Variants in LRRIQ3 observed in about 807,000 individuals in gnomAD.
LRRIQ3 encodes the protein leucine rich repeats and IQ motif containing 3.
In LRRIQ3, 75 loss-of-function variants were observed where a neutral mutation model predicts 59.3. The ratio of observed to expected loss-of-function variants is 1.26; its 90% CI spans 1.05 to 1.53. The LOEUF is 1.53. LRRIQ3 is among the 40% of genes most tolerant of loss of function. The probability of loss-of-function intolerance (pLI) is 0.00; values close to 1 mark genes in which losing one functional copy is unlikely to be tolerated. For synonymous variants in LRRIQ3, 250 were observed against 231.3 expected (o/e 1.08, Z -0.73); for missense variants, 831 against 710.0 (o/e 1.17, Z -1.94).
rs752476802 is a variant in LRRIQ3 at position 74,182,653 on chromosome 1, G to A, written c.458C>T (p.Ala153Val). The change falls in exon 3 of 8, where the codon GCG (alanine) becomes GTG (valine). Residue 153 changes from alanine to valine, a missense_variant. Ala to Val is a moderately conservative substitution (Grantham distance 64). Coordinates refer to ENST00000354431, the MANE Select transcript of LRRIQ3 (RefSeq NM_001105659.2). ...ATCAGAAATCACATGATGATCCAGC[G>A]CTTTGAGAGGCCATATACTGTTAAC... is the stretch of plus-strand genomic sequence containing the variant. Reference protein sequence around the residue: ...VLVNSIWPLKALDHHVISDEE... With the variant: ...VLVNSIWPLKVLDHHVISDEE... The A allele has an allele frequency of 7.4e-6, 12 of 1,611,310 alleles. No individual in the cohort carries two copies. Among genetic ancestry groups the A allele is most frequent in the East Asian group, 2.2e-5 (1 of 44,710 alleles).
intron 3 of LRRIQ3, chr1:74,180,877 T>C: frequency 7.7e-7 from 1 of 1,299,046 alleles, no homozygotes; most frequent in Non-Finnish European, 1.1e-6. Context: ...AGCCCAAATC[T>C]CTACCCCTTT....
chr1:74,078,020 C>T (rs150234407), intron 5 of LRRIQ3, among the ~76,000 whole-genome samples: 1 of 151,834 alleles, frequency 6.6e-6, no homozygotes, highest in African/African-American at 2.4e-5. Context: ...TTTGGTAGCA[C>T]TTAGTAAAGG....
intron 4 of LRRIQ3, among the ~76,000 whole-genome samples, chr1:74,114,396 C>T (rs1438984792): frequency 6.6e-6 from 1 of 151,882 alleles, no homozygotes; most frequent in Non-Finnish European, 1.5e-5. Context: ...TCTCACTAGA[C>T]TTAAGTTAGT....
chr1:74,111,367 GA>G (rs1197479506), intron 4 of LRRIQ3, among the ~76,000 whole-genome samples: 2 of 151,792 alleles, frequency 1.3e-5, no homozygotes, highest in South Asian at 4.1e-4. Context: ...GGGCATCACA[GA>G]AAAAAAATTC....
intron 7 of LRRIQ3, among the ~76,000 whole-genome samples, chr1:74,038,032 T>C (rs1367594525): frequency 1.3e-5 from 2 of 152,192 alleles, no homozygotes; most frequent in Non-Finnish European, 2.9e-5. Context: ...CAGCCAACAC[T>C]GAGACTGATA....
chr1:74,041,429 T>G lies in LRRIQ3; in HGVS notation c.1502A>C (p.Lys501Thr). ...GGATTTTTCTTTTAGAAACAGAGCT[T>G]TTCTCTCTCTAGCTTTTTCAAGGTA... ...FNYLEKARER[K>T]ALFLKEKSQK... The change falls in exon 7 of 8, where the codon AAA becomes ACA. Residue 501 changes from lysine to threonine, a missense_variant. Coordinates refer to ENST00000354431, the MANE Select transcript of LRRIQ3 (RefSeq NM_001105659.2). 1 of 1,613,728 alleles carries G rather than the reference T, an allele frequency of 6.2e-7. No homozygotes were observed. Among genetic ancestry groups the G allele is most frequent in the Non-Finnish European group, 8.5e-7 (1 of 1,179,864 alleles).
At chr1:74,045,436 T>C (rs773881387) in intron 6 of LRRIQ3, among the ~76,000 whole-genome samples, 2 of 151,802 alleles carry the variant, frequency 1.3e-5, no homozygotes, top group African/African-American at 2.4e-5. Flanking sequence ...ATGTTCAATA[T>C]ACTAGGCATT....
chr1:74,116,238 C>T (rs1020625130), intron 4 of LRRIQ3, among the ~76,000 whole-genome samples: 3 of 151,986 alleles, frequency 2.0e-5, no homozygotes, highest in Non-Finnish European at 4.4e-5. Flanking sequence ...CTGCCCTATA[C>T]CTGGAGCTCT....
At chr1:74,163,243 C>T (rs1570240001) in intron 3 of LRRIQ3, among the ~76,000 whole-genome samples, 1 of 151,286 alleles carries the variant, frequency 6.6e-6, no homozygotes. Flanking sequence ...TCATTTTTAC[C>T]TTTTTATTTA....
intron 3 of LRRIQ3, 56 bp downstream of exon 3, chr1:74,182,482 C>A: frequency 2.6e-6 from 3 of 1,151,410 alleles, no homozygotes; most frequent in South Asian, 2.5e-5. Flanking sequence ...AACTCAGAAG[C>A]TAAAATTTCC....
At chr1:74,142,324 C>G (rs1447900845) in intron 4 of LRRIQ3, among the ~76,000 whole-genome samples, 2 of 151,908 alleles carry the variant, frequency 1.3e-5, no homozygotes, top group Non-Finnish European at 2.9e-5. Flanking sequence ...TTAATTATCC[C>G]ATCAAATGAG....
At position 74,182,600 on chromosome 1, in the gene LRRIQ3, G is replaced by A. The variant is rs754058089; in HGVS notation, c.511C>T (p.Pro171Ser). The A allele has an allele frequency of 2.4e-5, 38 of 1,606,756 alleles. 1 individual carries two copies. In the Middle Eastern group the frequency reaches 8.3e-4, roughly 35 times the overall value. Residue 171 changes from proline (P) to serine (S), a missense_variant, in exon 3 of 8, where the codon CCT (proline) becomes TCT (serine). By Grantham distance (74) the Pro-to-Ser change is moderately conservative (BLOSUM62 -1). Transcript: ENST00000354431. The stretch of plus-strand genomic sequence containing the variant: ...TGGTTACATGCTTTGAATCTTTCAG[G>A]AAGATGCCAGTTCTGAATTATTTCT... ...DEEIIQNWHLPERFKACNHRL... is the reference protein window; with the variant it reads ...DEEIIQNWHLSERFKACNHRL...
intron 4 of LRRIQ3, among the ~76,000 whole-genome samples, chr1:74,147,180 G>GTCC (rs1557639710): frequency 6.6e-6 from 1 of 152,124 alleles, no homozygotes; most frequent in African/African-American, 2.4e-5. Flanking sequence ...AGTGAGCTTA[G>GTCC]ATAACACCAC....
intron 3 of LRRIQ3, among the ~76,000 whole-genome samples, chr1:74,170,768 T>C (rs772691894): frequency 2.0e-5 from 3 of 152,164 alleles, no homozygotes; most frequent in Admixed American, 6.5e-5. Context: ...TTGGGTGGGA[T>C]AGACATTTTA....
intron 5 of LRRIQ3, among the ~76,000 whole-genome samples, chr1:74,097,934 C>T (rs567249841): frequency 1.3e-5 from 2 of 152,142 alleles, no homozygotes; most frequent in Admixed American, 6.6e-5. Context: ...ACAACCAGTA[C>T]CAGCCACTGC....
intron 6 of LRRIQ3, among the ~76,000 whole-genome samples, chr1:74,067,087 C>A (rs905675273): frequency 1.1e-4 from 16 of 152,226 alleles, no homozygotes; most frequent in African/African-American, 3.9e-4. Flanking sequence ...ATCCTTTGAT[C>A]CCTTTTCGCC....
intron 6 of LRRIQ3, among the ~76,000 whole-genome samples, chr1:74,045,533 C>T (rs1654175421): frequency 6.6e-6 from 1 of 152,170 alleles, no homozygotes; most frequent in Admixed American, 6.6e-5. Flanking sequence ...CGGCAGCATT[C>T]CCTTTGAAAA....
At chr1:74,146,661 G>T (rs1647588684) in intron 4 of LRRIQ3, among the ~76,000 whole-genome samples, 1 of 152,140 alleles carries the variant, frequency 6.6e-6, no homozygotes, top group South Asian at 2.1e-4. Context: ...ATTTGGTTAT[G>T]ATCCATGAAA....
At chr1:74,168,265 G>T (rs1369021709) in intron 3 of LRRIQ3, among the ~76,000 whole-genome samples, 2 of 151,754 alleles carry the variant, frequency 1.3e-5, no homozygotes, top group Non-Finnish European at 2.9e-5. Context: ...TTGCTTTATT[G>T]TTTAATGCAT....
Sources: gnomAD v4.1 joint callset for allele counts (sites outside exome capture counted in the v4.1 genomes callset) on GRCh38, gnomAD v4.1.1 for gene constraint, MANE v1.5 for transcripts, NCBI Gene and HGNC (gene_info 2026-07-23, HGNC 2026-07-21) for gene names.